The following PRKN variants were observed in gnomAD, a reference collection of about 807,000 sequenced individuals.
The protein encoded by PRKN is parkin RBR E3 ubiquitin protein ligase.
A neutral mutation model predicts 59.5 loss-of-function variants in PRKN; 56 were observed. The ratio of observed to expected loss-of-function variants is 0.94; its 90% CI spans 0.76 to 1.18. The LOEUF is 1.18. PRKN is among the 50% of genes most tolerant of loss of function. The pLI, the probability that PRKN is intolerant of heterozygous loss-of-function variation, is 0.00. For missense variants in PRKN, 657 were observed against 596.4 expected (o/e 1.10, Z -1.06); for synonymous variants, 250 against 222.1 (o/e 1.13, Z -1.12).
chr6:162,052,775 C>T (rs1004932815), intron 5 of PRKN, among the ~76,000 whole-genome samples: 1 of 150,020 alleles, frequency 6.7e-6, no homozygotes, highest in African/African-American at 2.5e-5. Context: ...GAATGTTGAC[C>T]CTAAAAACTT....
At chr6:161,745,721 G>A (rs1026081158) in intron 7 of PRKN, among the ~76,000 whole-genome samples, 117 of 152,246 alleles carry the variant, frequency 7.7e-4, no homozygotes, top group African/African-American at 2.7e-3. Context: ...GAAGGCAGAC[G>A]GCAAGGGGAG....
Position 161,919,295 on chromosome 6 carries a change from G to GA in PRKN, c.734+54006dup, listed in dbSNP as rs533148538. Among the ~76,000 whole-genome samples the GA allele has an allele frequency of 3.9e-4, 60 of 152,156 alleles. 1 individual carries two copies. In the South Asian group the frequency reaches 0.012, roughly 30 times the overall value. On this transcript the variant is annotated intron_variant, in intron 6 of 11. Transcript: ENST00000366898. ...TGATTCCATTTATCTAACATTTCTA[G>GA]AAAAAAAGACAAAACTCTATAAGCA...
chr6:162,721,272 A>G (rs1486588737), intron 1 of PRKN, among the ~76,000 whole-genome samples: 2 of 152,266 alleles, frequency 1.3e-5, no homozygotes, highest in Non-Finnish European at 2.9e-5. Flanking sequence ...AATGAAGGTC[A>G]TGAGAAGTCC....
chr6:162,046,444 A>T (rs67461649), intron 5 of PRKN, among the ~76,000 whole-genome samples: 24,241 of 152,224 alleles, frequency 0.16, 2,516 homozygotes, highest in African/African-American at 0.29. Context: ...AGAACAGGGA[A>T]GCAAGAAGTA....
In PRKN at chr6:161,589,475, A is replaced by AT. The variant is rs1169210782; in HGVS notation, c.872-20060dup. ...GGTAGAAGTTTGAAAGGAAATACAG[A>AT]TTTTTTTTTTTTTCCTTTCAAAGAG... On this transcript the variant is annotated intron_variant, in intron 7 of 11. Coordinates refer to ENST00000366898, the MANE Select transcript of PRKN (RefSeq NM_004562.3). Among the ~76,000 whole-genome samples, 821 of 146,428 alleles carry AT rather than the reference A, an allele frequency of 5.6e-3. 4 individuals carry two copies. The highest frequency in any genetic ancestry group is 0.016 in the African/African-American group (654 of 40,168).
At position 162,622,289 on chromosome 6, in the gene PRKN, CTGTTTTTTTTTTTGTTT is replaced by C. The variant is rs1343792670; in HGVS notation, c.7+105356_7+105372del. Among the ~76,000 whole-genome samples, 3 of 134,884 alleles carry C rather than the reference CTGTTTTTTTTTTTGTTT, an allele frequency of 2.2e-5. No homozygotes were observed. The South Asian group carries it at 7.3e-4, about 33-fold the overall frequency. The allele number at this position is 134,884 out of a possible 152,430, so 88.5% of individuals were successfully genotyped here. On this transcript the variant is annotated intron_variant, in intron 1 of 11. Transcript: ENST00000366898. Reference sequence around the variant, plus strand: ...TACAGCTATTATTTCCTTTCAAATTCTGTTTTTTTTTTTGTTTTGTTTTTTTTTGGTAGCAGAGTCTC... The same window carrying C: ...TACAGCTATTATTTCCTTTCAAATTCTGTTTTTTTTTGGTAGCAGAGTCTC...
chr6:162,216,357 C>T (rs978222334), intron 3 of PRKN, among the ~76,000 whole-genome samples: 9 of 151,060 alleles, frequency 6.0e-5, no homozygotes, highest in Admixed American at 1.3e-4. Context: ...GGTGAAACCC[C>T]GTCTCTACTA....
intron 4 of PRKN, among the ~76,000 whole-genome samples, chr6:162,124,257 C>T (rs1340693142): frequency 6.6e-5 from 10 of 152,184 alleles, no homozygotes; most frequent in African/African-American, 2.4e-4. Context: ...TTACTGTTAG[C>T]ATGTCTCAAT....
intron 6 of PRKN, among the ~76,000 whole-genome samples, chr6:161,893,951 C>G (rs1316111985): frequency 3.9e-5 from 6 of 152,180 alleles, no homozygotes; most frequent in Non-Finnish European, 2.9e-5. Context: ...CAAAGAAGAA[C>G]ACAAAATTAT....
intron 1 of PRKN, among the ~76,000 whole-genome samples, chr6:162,700,301 A>T (rs1459239663): frequency 6.6e-6 from 1 of 152,228 alleles, no homozygotes; most frequent in Non-Finnish European, 1.5e-5. Context: ...TCCCCATACC[A>T]TTAATAAATA....
intron 1 of PRKN, among the ~76,000 whole-genome samples, chr6:162,519,960 C>T (rs749033556): frequency 5.9e-5 from 9 of 152,082 alleles, no homozygotes; most frequent in South Asian, 2.1e-4. Context: ...TTAAAAAATA[C>T]GGCTGATGGT....
intron 5 of PRKN, among the ~76,000 whole-genome samples, chr6:162,048,722 T>TA (rs58981275): frequency 0.65 from 91,633 of 141,526 alleles, 29,896 homozygotes; most frequent in Middle Eastern, 0.71. Flanking sequence ...GCTGATGAAC[T>TA]AAAAAAAAAA....
intron 7 of PRKN, among the ~76,000 whole-genome samples, chr6:161,718,900 T>C (rs77401881): frequency 0.021 from 3,191 of 152,284 alleles, 119 homozygotes; most frequent in African/African-American, 0.073. Context: ...AGAGGGCCAG[T>C]GAAGGGGCTT....
Position 161,451,178 on chromosome 6 carries a change from T to C in PRKN, c.1084-64301A>G, listed in dbSNP as rs564033009. ...GGTCCCAGCACCGCAGAAAATCATC[T>C]TGAACACCTCCCAAGGCCAATCTCC... On this transcript the variant is annotated intron_variant, in intron 9 of 11. Coordinates refer to ENST00000366898, the MANE Select transcript of PRKN (RefSeq NM_004562.3). This position sits in a 1 kb window ranked among gnomAD's most constrained non-coding sequence, Gnocchi z 5.9. 6.6e-5 allele frequency among the ~76,000 whole-genome samples: 10 copies of C among 152,282 alleles called. No homozygotes were observed. The South Asian group carries it at 1.0e-3, about 16-fold the overall frequency.
chr6:161,725,777 T>C (rs1276886991), intron 7 of PRKN, among the ~76,000 whole-genome samples: 7 of 152,174 alleles, frequency 4.6e-5, no homozygotes. Flanking sequence ...AGGGTTGAAA[T>C]GAGCATTAAA....
chr6:162,691,842 T>G (rs1777785393), intron 1 of PRKN, among the ~76,000 whole-genome samples: 1 of 152,198 alleles, frequency 6.6e-6, no homozygotes, highest in South Asian at 2.1e-4. Context: ...TCTCTCTTAC[T>G]GAAGCAGCAG....
intron 6 of PRKN, among the ~76,000 whole-genome samples, chr6:161,870,488 GTTC>G (rs1199169242): frequency 6.6e-6 from 1 of 152,096 alleles, no homozygotes; most frequent in African/African-American, 2.4e-5. Context: ...ATTATCTCAT[GTTC>G]TTCTTTTTAG....
chr6:162,426,621 A>AT, intron 2 of PRKN, among the ~76,000 whole-genome samples: 1 of 152,012 alleles, frequency 6.6e-6, no homozygotes, highest in Non-Finnish European at 1.5e-5. Context: ...TAATTTTCAT[A>AT]TTTTTTTGTA....
At chr6:161,815,499 T>C (rs572498986) in intron 6 of PRKN, among the ~76,000 whole-genome samples, 2 of 152,222 alleles carry the variant, frequency 1.3e-5, no homozygotes, top group Non-Finnish European at 2.9e-5. Context: ...TATCAGACTT[T>C]CACTTCTGGC....
Sources: allele counts gnomAD v4.1 joint callset (sites outside exome capture counted in the v4.1 genomes callset), GRCh38; gene constraint gnomAD v4.1.1; non-coding constraint Gnocchi (gnomAD v3.1); transcripts MANE v1.5; gene names NCBI Gene and HGNC (gene_info 2026-07-23, HGNC 2026-07-21).